LYPD6B: variants seen among roughly 807,000 people sequenced by gnomAD.
LYPD6B encodes the protein LY6/PLAUR domain containing 6B.
Under a neutral mutation model 22.8 loss-of-function variants are expected in LYPD6B, and 17 were observed. That is an observed-to-expected ratio of 0.75 (90% CI 0.51 to 1.12). The LOEUF (loss-of-function observed/expected upper bound fraction) is 1.12. LYPD6B is among the 50% of genes most tolerant of loss of function. LYPD6B has a pLI of 0.00. For missense variants in LYPD6B, 221 were observed against 258.3 expected (o/e 0.86, Z 0.99); for synonymous variants, 106 against 91.6 (o/e 1.16, Z -0.90).
At chr2:149,097,349 A>C (rs1272670693) in intron 1 of LYPD6B, among the ~76,000 whole-genome samples, 1 of 152,246 alleles carries the variant, frequency 6.6e-6, no homozygotes, top group African/African-American at 2.4e-5. Flanking sequence ...CTAGGGAGGA[A>C]CATCCTTTTG....
chr2:149,206,268 T>C (rs1257085176), intron 4 of LYPD6B: 2 of 253,026 alleles, frequency 7.9e-6, no homozygotes, highest in Non-Finnish European at 1.6e-5. Context: ...ATACGGTTGA[T>C]ACATGGTCAG....
At chr2:149,139,089 G>A (rs182895190) in intron 2 of LYPD6B, among the ~76,000 whole-genome samples, 32 of 152,250 alleles carry the variant, frequency 2.1e-4, no homozygotes, top group African/African-American at 7.5e-4. Context: ...ATGTAGCACC[G>A]TGAAGTGCTG....
intron 4 of LYPD6B, 94 bp downstream of exon 4, chr2:149,205,498 C>A: frequency 1.4e-5 from 19 of 1,328,310 alleles, no homozygotes; most frequent in Non-Finnish European, 1.7e-5. Context: ...TTCGTCTTTC[C>A]CAGAACATTT....
chr2:149,079,166 C>T (rs992948434), intron 1 of LYPD6B, among the ~76,000 whole-genome samples: 3 of 151,372 alleles, frequency 2.0e-5, no homozygotes, highest in South Asian at 2.1e-4. Context: ...TCTGTGAGGG[C>T]GGGGCTGGTG....
intron 1 of LYPD6B, among the ~76,000 whole-genome samples, chr2:149,101,807 A>G (rs1686224873): frequency 6.6e-6 from 1 of 152,258 alleles, no homozygotes; most frequent in Non-Finnish European, 1.5e-5. Flanking sequence ...CTCAAGGCTC[A>G]GAAAGACAGG....
chr2:149,090,611 T>C (rs1473317812), intron 1 of LYPD6B, among the ~76,000 whole-genome samples: 2 of 152,136 alleles, frequency 1.3e-5, no homozygotes, highest in African/African-American at 4.8e-5. Flanking sequence ...TAAATGGAGA[T>C]ATATAATATC....
intron 2 of LYPD6B, among the ~76,000 whole-genome samples, chr2:149,132,779 A>C (rs2105711336): frequency 6.6e-6 from 1 of 152,340 alleles, no homozygotes; most frequent in Middle Eastern, 3.4e-3. Flanking sequence ...CAGGCAGTTT[A>C]GTAGAACACT....
chr2:149,205,140 A>T (rs916007632), intron 3 of LYPD6B, 113 bp from the exon 4 acceptor site: 10 of 1,111,098 alleles, frequency 9.0e-6, no homozygotes, highest in Middle Eastern at 4.7e-4. Context: ...GCCCTACACA[A>T]CAGGTAGATG....
At chr2:149,131,330 T>A (rs1025068861) in intron 2 of LYPD6B, 1 of 190,488 alleles carries the variant, frequency 5.2e-6, no homozygotes, top group Non-Finnish European at 1.1e-5. Flanking sequence ...CTTGTGGTTC[T>A]GTTCACTGAA....
intron 3 of LYPD6B, among the ~76,000 whole-genome samples, chr2:149,190,181 C>T (rs984218829): frequency 2.6e-5 from 4 of 152,104 alleles, no homozygotes; most frequent in Non-Finnish European, 5.9e-5. Flanking sequence ...TGAGTAAACA[C>T]ATATAGTGTT....
At chr2:149,144,479 C>T (rs752805367) in intron 2 of LYPD6B, among the ~76,000 whole-genome samples, 1 of 152,188 alleles carries the variant, frequency 6.6e-6, no homozygotes, top group African/African-American at 2.4e-5. Context: ...GTACTTTCCA[C>T]CTCCCAGGTT....
At chr2:149,138,239 A>T (rs575450121) in intron 2 of LYPD6B, among the ~76,000 whole-genome samples, 1 of 152,328 alleles carries the variant, frequency 6.6e-6, no homozygotes, top group South Asian at 2.1e-4. Flanking sequence ...GAGGGAAAGG[A>T]AGTCTGGAAT....
At chr2:149,194,447 T>C (rs1287703864) in intron 3 of LYPD6B, among the ~76,000 whole-genome samples, 1 of 152,222 alleles carries the variant, frequency 6.6e-6, no homozygotes, top group Non-Finnish European at 1.5e-5. Flanking sequence ...ATAAAGGGAC[T>C]GTTTACAATG....
At chr2:149,201,308 C>T (rs1311178541) in intron 3 of LYPD6B, among the ~76,000 whole-genome samples, 1 of 152,154 alleles carries the variant, frequency 6.6e-6, no homozygotes, top group Non-Finnish European at 1.5e-5. Flanking sequence ...TAACACTGCT[C>T]TATGTGATGG....
At chr2:149,173,349 C>CTT (rs67113716) in intron 3 of LYPD6B, among the ~76,000 whole-genome samples, 16,035 of 58,500 alleles carry the variant, frequency 0.27, 3,352 homozygotes, top group Non-Finnish European at 0.3. Context: ...TCTGTCAGGC[C>CTT]TTTTTTTTTT....
At chr2:149,104,786 C>T (rs561517399) in intron 1 of LYPD6B, among the ~76,000 whole-genome samples, 1 of 152,136 alleles carries the variant, frequency 6.6e-6, no homozygotes, top group South Asian at 2.1e-4. Flanking sequence ...CTTTGCCTAA[C>T]CCAAAGTCAT....
At chr2:149,041,430 G>T (rs993024616) in intron 1 of LYPD6B, among the ~76,000 whole-genome samples, 2 of 152,146 alleles carry the variant, frequency 1.3e-5, no homozygotes, top group Non-Finnish European at 2.9e-5. Context: ...CGCGTCACTG[G>T]CCAAAGTGGT....
Position 149,203,247 on chromosome 2 carries a change from G to C in LYPD6B, c.78-2006G>C, listed in dbSNP as rs149464654. ...TAAGGTCCCATAGTTGCTTAGTAGTGAAAAAGAGATTTGAATGTAGATAAC... is the reference window on the plus strand; with the variant it reads ...TAAGGTCCCATAGTTGCTTAGTAGTCAAAAAGAGATTTGAATGTAGATAAC... On this transcript the variant is annotated intron_variant, in intron 3 of 6. Transcript: ENST00000409642. 2.2e-3 allele frequency among the ~76,000 whole-genome samples: 329 copies of C among 152,252 alleles called. 1 individual carries two copies. Among genetic ancestry groups the C allele is most frequent in the Non-Finnish European group, 3.2e-3 (217 of 68,028 alleles).
chr2:149,094,064 A>C (rs1051275669), intron 1 of LYPD6B, among the ~76,000 whole-genome samples: 16 of 152,228 alleles, frequency 1.1e-4, no homozygotes, highest in Admixed American at 2.0e-4. Flanking sequence ...GAAATGGATA[A>C]ATAAGCATAG....
Sources: gnomAD v4.1 joint callset for allele counts (sites outside exome capture counted in the v4.1 genomes callset) on GRCh38, gnomAD v4.1.1 for gene constraint, MANE v1.5 for transcripts, NCBI Gene and HGNC (gene_info 2026-07-23, HGNC 2026-07-21) for gene names.